UTRN: variants seen among roughly 807,000 people sequenced by gnomAD.
UTRN encodes utrophin, also known as dystrophin-related protein 1.
A neutral mutation model predicts 463.9 loss-of-function variants in UTRN; 283 were observed. The observed-to-expected ratio is 0.61, with a 90% CI of 0.55 to 0.67. UTRN has a LOEUF of 0.67. Among genes scored for constraint, UTRN ranks in the 30% least tolerant of loss-of-function variants. The pLI is 0.00. For missense variants in UTRN, 3,922 were observed against 4,084.3 expected (o/e 0.96, Z 1.08); for synonymous variants, 1,442 against 1,431.5 (o/e 1.01, Z -0.17).
Position 144,523,132 on chromosome 6 carries a change from T to G in UTRN, c.5850T>G (p.Leu1950=). The G allele has an allele frequency of 2.5e-6, 4 of 1,613,254 alleles. No individual in the cohort carries two copies. Among genetic ancestry groups the G allele is most frequent in the Non-Finnish European group, 3.4e-6 (4 of 1,179,582 alleles). ...AAGCCATTCAGATCAGAGATACACTTACTCAGCTGAATGCAAAATGGGACA... is the reference window on the plus strand; with the variant it reads ...AAGCCATTCAGATCAGAGATACACTGACTCAGCTGAATGCAAAATGGGACA... ...GPEAIQIRDT[L]TQLNAKWDRI... is the part of the protein sequence containing the mutation. Residue 1950 remains leucine, a synonymous_variant, in exon 41 of 75, where the codon CTT becomes CTG. Transcript: ENST00000367545.
In UTRN at chr6:144,474,759, G is replaced by T; in HGVS notation, c.3336G>T (p.Glu1112Asp). ...CTCAACTGGAGAAACTTAGCAAGGA[G>T]GTGAGTTTTTCAACTTTACTACCTA... Reference protein sequence around the residue: ...YQTQLEKLSKEIATQKSRLSE... With the variant: ...YQTQLEKLSKDIATQKSRLSE... Residue 1112 changes from glutamate to aspartate, a missense_variant and splice_region_variant, in exon 25 of 75, where the codon GAG becomes GAT. Glu to Asp is a conservative substitution (Grantham distance 45). This residue lies in a region of UTRN where 2,349 missense variants were observed against 2,303.8 expected (regional missense o/e 1.02). Transcript: ENST00000367545. 1.2e-6 allele frequency: 2 copies of T among 1,611,268 alleles called. No individual in the cohort carries two copies. Among genetic ancestry groups the T allele is most frequent in the Non-Finnish European group, 1.7e-6 (2 of 1,179,166 alleles).
intron 2 of UTRN, among the ~76,000 whole-genome samples, chr6:144,368,646 C>T (rs946467200): frequency 3.3e-5 from 5 of 151,962 alleles, no homozygotes; most frequent in East Asian, 1.9e-4. Flanking sequence ...TGGTGGTGCA[C>T]GCCTGTAGTC....
At chr6:144,822,404 A>G (rs1306477831) in intron 66 of UTRN, among the ~76,000 whole-genome samples, 1 of 152,132 alleles carries the variant, frequency 6.6e-6, no homozygotes, top group African/African-American at 2.4e-5. Context: ...AGGTCCATGT[A>G]TAACACATAC....
intron 27 of UTRN, among the ~76,000 whole-genome samples, chr6:144,483,565 C>T (rs903017998): frequency 6.6e-6 from 1 of 152,132 alleles, no homozygotes; most frequent in Non-Finnish European, 1.5e-5. Context: ...GCCCCCGCTT[C>T]CTGAGTAGCT....
rs9376864 is a variant in UTRN at position 144,846,245 on chromosome 6, G to C, written c.10271-560G>C. 4.4e-3 allele frequency among the ~76,000 whole-genome samples: 672 copies of C among 152,320 alleles called. 17 individuals carry two copies. In the East Asian group the frequency reaches 0.065, roughly 15 times the overall value. The stretch of plus-strand genomic sequence containing the variant: ...GATGCCATATTCTAACTTCTCCGTT[G>C]TTCCTAACTGGGCCCATCCAAGGGA... On this transcript the variant is annotated intron_variant, in intron 73 of 74. Transcript: ENST00000367545.
In UTRN at chr6:144,482,259, GGAC is replaced by G; in HGVS notation, c.3559_3561del (p.Asp1187del). 6.2e-7 allele frequency: 1 copy of G among 1,605,072 alleles called. No individual in the cohort carries two copies. The highest frequency in any genetic ancestry group is 8.5e-7 in the Non-Finnish European group (1 of 1,176,860). ...AGGAGGTGAGAGTGAAGATTCTCAA[GGAC>G]AACATCAAGTTATTAGCTGCCAAGG... is the stretch of plus-strand genomic sequence containing the variant. On this transcript the variant is annotated inframe_deletion, in exon 27 of 75. Transcript: ENST00000367545.
intron 2 of UTRN, among the ~76,000 whole-genome samples, chr6:144,320,930 G>C (rs1055099954): frequency 9.2e-5 from 14 of 152,208 alleles, no homozygotes; most frequent in Non-Finnish European, 1.6e-4. Flanking sequence ...TGCTAATGGG[G>C]ATGGAGTGGG....
chr6:144,800,045 G>A (rs1006221598), intron 64 of UTRN, among the ~76,000 whole-genome samples: 3 of 152,312 alleles, frequency 2.0e-5, no homozygotes, highest in African/African-American at 7.2e-5. Flanking sequence ...CAGATTAATT[G>A]ACTTGGGAAG....
intron 7 of UTRN, among the ~76,000 whole-genome samples, chr6:144,426,994 C>T (rs538301741): frequency 8.8e-4 from 134 of 152,250 alleles, no homozygotes; most frequent in Non-Finnish European, 1.6e-3. Flanking sequence ...TAAGACTATG[C>T]AGTACTATCA....
chr6:144,846,036 G>C (rs955562229), intron 73 of UTRN, among the ~76,000 whole-genome samples: 1 of 152,036 alleles, frequency 6.6e-6, no homozygotes, highest in Non-Finnish European at 1.5e-5. Context: ...CTGGGGGACA[G>C]ATCTCCTCTT....
At chr6:144,357,556 C>T (rs1236899408) in intron 2 of UTRN, among the ~76,000 whole-genome samples, 1 of 152,130 alleles carries the variant, frequency 6.6e-6, no homozygotes, top group Admixed American at 6.5e-5. Context: ...CTATGGTATC[C>T]ATTTTCCTAT....
intron 53 of UTRN, among the ~76,000 whole-genome samples, chr6:144,720,118 A>T (rs1490547928): frequency 1.3e-5 from 2 of 152,136 alleles, no homozygotes; most frequent in Admixed American, 6.5e-5. Context: ...TTATTAAAAG[A>T]TTTGCAGGAT....
intron 6 of UTRN, among the ~76,000 whole-genome samples, chr6:144,424,918 AATT>A (rs1251940042): frequency 3.3e-5 from 5 of 152,232 alleles, no homozygotes; most frequent in African/African-American, 1.2e-4. Context: ...TTAAAATGCC[AATT>A]ATTGATTATT....
Position 144,557,159 on chromosome 6 carries a change from A to T in UTRN, c.7137A>T (p.Ile2379=). Residue 2379 remains isoleucine (I), a splice_region_variant and synonymous_variant, in exon 50 of 75, where the codon ATA becomes ATT. Transcript: ENST00000367545. ...ACAGACCTGCACTTGCACCTCAGATACTGCTTCAAGAACTGGGTCCTGGAG... is the reference window on the plus strand; with the variant it reads ...ACAGACCTGCACTTGCACCTCAGATTCTGCTTCAAGAACTGGGTCCTGGAG... ...PLTKQISDNQ[I]LLQELGPGDG... 6.2e-7 allele frequency: 1 copy of T among 1,613,558 alleles called. No individual in the cohort carries two copies. The highest frequency in any genetic ancestry group is 8.5e-7 in the Non-Finnish European group (1 of 1,179,686).
At chr6:144,837,903 A>G (rs1781237456) in intron 71 of UTRN, among the ~76,000 whole-genome samples, 1 of 152,180 alleles carries the variant, frequency 6.6e-6, no homozygotes, top group Non-Finnish European at 1.5e-5. Flanking sequence ...GTTTCCCAAG[A>G]GTGACCCAAG....
At chr6:144,813,588 A>C (rs2128750804) in intron 65 of UTRN, among the ~76,000 whole-genome samples, 1 of 152,324 alleles carries the variant, frequency 6.6e-6, no homozygotes, top group South Asian at 2.1e-4. Context: ...TAGACAGCAA[A>C]ACTAAAACGT....
rs1398887241 is a variant in UTRN, at chr6:144,678,424, G to A, written c.7498G>A (p.Asp2500Asn). ...TGTTTAGGACATCCAGGCAGAAATT[G>A]ATGCCCACAATGACATATTTAAAAG... is the stretch of plus-strand genomic sequence containing the variant. Reference protein sequence around the residue: ...QQMQDIQAEIDAHNDIFKSID... With the variant: ...QQMQDIQAEINAHNDIFKSID... The change falls in exon 52 of 75, where the codon GAT becomes AAT. Residue 2500 changes from aspartate to asparagine, a missense_variant. By Grantham distance (23) the Asp-to-Asn change is conservative. Coordinates refer to ENST00000367545, the MANE Select transcript of UTRN (RefSeq NM_007124.3). 3 of 1,611,890 alleles carry A rather than the reference G, an allele frequency of 1.9e-6. No individual in the cohort carries two copies. In the Admixed American group the frequency reaches 5.0e-5, roughly 27 times the overall value.
intron 68 of UTRN, among the ~76,000 whole-genome samples, chr6:144,828,352 A>G (rs1314842547): frequency 6.6e-6 from 1 of 152,170 alleles, no homozygotes; most frequent in East Asian, 1.9e-4. Flanking sequence ...GAGAAAGTGA[A>G]GGACACAGAA....
In UTRN at chr6:144,339,684, A is replaced by C. The variant is rs1776996471; in HGVS notation, c.79+47777A>C. ...TTCATGATGCTTTTAGGTAGAGAGT[A>C]TCTATGAGCAGAAGTCTAGTTTTCT... On this transcript the variant is annotated intron_variant, in intron 2 of 74. Coordinates refer to ENST00000367545, the MANE Select transcript of UTRN (RefSeq NM_007124.3). Among the ~76,000 whole-genome samples the C allele has an allele frequency of 3.3e-5, 5 of 152,322 alleles. No individual in the cohort carries two copies. In the South Asian group the frequency reaches 1.0e-3, roughly 32 times the overall value.
Sources: gnomAD v4.1 joint callset for allele counts (sites outside exome capture counted in the v4.1 genomes callset) on GRCh38, gnomAD v4.1.1 for gene constraint, gnomAD v4.1.1 regional missense constraint, MANE v1.5 for transcripts, NCBI Gene and HGNC (gene_info 2026-07-23, HGNC 2026-07-21) for gene names.